Variants in SELENOO observed in about 807,000 individuals in gnomAD.
SELENOO encodes the protein selenoprotein O.
A neutral mutation model predicts 58.7 loss-of-function variants in SELENOO; 74 were observed. The observed-to-expected ratio is 1.26, with a 90% CI of 1.04 to 1.53. SELENOO has a LOEUF of 1.53. SELENOO is among the 40% of genes most tolerant of loss of function. The probability of loss-of-function intolerance (pLI) is 0.00; values close to 1 mark genes in which losing one functional copy is unlikely to be tolerated. For synonymous variants in SELENOO, 543 were observed against 453.2 expected (o/e 1.20, Z -2.52); for missense variants, 1,149 against 970.0 (o/e 1.18, Z -2.45).
At position 50,217,263 on chromosome 22, in the gene SELENOO, C is replaced by A. The variant is rs375071384; in HGVS notation, c.1904C>A (p.Thr635Lys). 1.9e-6 allele frequency: 3 copies of A among 1,611,962 alleles called. No individual in the cohort carries two copies. The highest frequency in any genetic ancestry group is 1.3e-5 in the African/African-American group (1 of 74,924). ...TACCACTGCGAGGCGGGGGCCGCCA[C>A]AGACGCCGAGGCCACGGAAGCCGAC... ...TPYHCEAGAATDAEATEADGA... is the reference protein window; with the variant it reads ...TPYHCEAGAAKDAEATEADGA... Residue 635 changes from threonine (T) to lysine (K), a missense_variant, in exon 9 of 9, where the codon ACA (threonine) becomes AAA (lysine). By Grantham distance (78) the Thr-to-Lys change is moderately conservative. Coordinates refer to ENST00000380903, the MANE Select transcript of SELENOO (RefSeq NM_031454.2).
intron 2 of SELENOO, among the ~76,000 whole-genome samples, chr22:50,207,562 G>A (rs1465309078): frequency 6.6e-6 from 1 of 150,584 alleles, no homozygotes; most frequent in Non-Finnish European, 1.5e-5. Context: ...GCTGCCTGTG[G>A]GCCTCTGGCT....
At chr22:50,210,062 C>T in intron 3 of SELENOO, 119 bp from the exon 4 acceptor site, 1 of 1,227,578 alleles carries the variant, frequency 8.1e-7, no homozygotes, top group Non-Finnish European at 1.1e-6. Flanking sequence ...CGCCCAGAAA[C>T]TGCAGAGTGA....
chr22:50,210,826 G>A lies in SELENOO; in HGVS notation c.1266G>A (p.Met422Ile). The A allele has an allele frequency of 1.9e-6, 3 of 1,614,106 alleles. No homozygotes were observed. Among genetic ancestry groups the A allele is most frequent in the Admixed American group, 1.7e-5 (1 of 60,032 alleles). The change falls in exon 5 of 9, where the codon ATG becomes ATA. Residue 422 changes from methionine to isoleucine, a missense_variant. Met to Ile is a conservative substitution (Grantham distance 10). Coordinates refer to ENST00000380903, the MANE Select transcript of SELENOO (RefSeq NM_031454.2). ...AEFQRHYLQK[M>I]RRKLGLVQVE... ...TCCAAAGGCACTACCTGCAGAAGAT[G>A]CGCAGGAAGCTGGGCCTCGTGCAGG...
At chr22:50,216,506 T>C (rs1314950187) in intron 6 of SELENOO, among the ~76,000 whole-genome samples, 185 bp from the exon 7 acceptor site, 8 of 152,224 alleles carry the variant, frequency 5.3e-5, no homozygotes, top group South Asian at 4.1e-4. Flanking sequence ...AGCATGGGCA[T>C]GCCTGGTGTG....
chr22:50,210,991 G>T, intron 5 of SELENOO, 80 bp downstream of exon 5: 1 of 1,503,842 alleles, frequency 6.6e-7, no homozygotes, highest in South Asian at 1.2e-5. Context: ...TGGCTTCCAG[G>T]TTCCAAGTGC....
intron 5 of SELENOO, among the ~76,000 whole-genome samples, chr22:50,215,074 C>G (rs1380905701): frequency 6.6e-6 from 1 of 152,194 alleles, no homozygotes; most frequent in African/African-American, 2.4e-5. Context: ...GTTGCTTTGA[C>G]TCCCTTCTCA....
chr22:50,215,635 T>TGGG, intron 5 of SELENOO, 82 bp from the exon 6 acceptor site: 7 of 892,000 alleles, frequency 7.8e-6, no homozygotes, highest in East Asian at 3.4e-5. Flanking sequence ...GCCAGGGGGG[T>TGGG]GGGGGGGGGG....
intron 5 of SELENOO, among the ~76,000 whole-genome samples, chr22:50,212,283 A>G (rs1301141205): frequency 6.6e-6 from 1 of 152,168 alleles, no homozygotes; most frequent in East Asian, 1.9e-4. Flanking sequence ...TTTGTTGGAA[A>G]AATTTTGATT....
chr22:50,214,680 G>A (rs1424277331), intron 5 of SELENOO, among the ~76,000 whole-genome samples: 1 of 152,034 alleles, frequency 6.6e-6, no homozygotes, highest in Non-Finnish European at 1.5e-5. Context: ...TAGGAGAATT[G>A]CTGGAACCCA....
intron 1 of SELENOO, 128 bp downstream of exon 1, chr22:50,201,718 G>A: frequency 1.5e-6 from 1 of 662,134 alleles, no homozygotes; most frequent in Non-Finnish European, 2.1e-6. Flanking sequence ...ACCCGCGGGA[G>A]CGCGGTGCTG....
At position 50,201,096 on chromosome 22, in the gene SELENOO, C is replaced by T; in HGVS notation, c.60C>T (p.Leu20=). The change falls in exon 1 of 9, where the codon CTC becomes CTT. Residue 20 remains leucine (L), a synonymous_variant. Transcript: ENST00000380903. ...ASLAAARLLP[L]GRCSPSPAPR... The stretch of plus-strand genomic sequence containing the variant: ...TCGCGGCTGCCCGACTCTTGCCCCT[C>T]GGTCGCTGTTCCCCGTCGCCGGCGC... The T allele has an allele frequency of 7.3e-7, 1 of 1,366,602 alleles. No homozygotes were observed. The highest frequency in any genetic ancestry group is 9.4e-7 in the Non-Finnish European group (1 of 1,059,776). The allele number at this position is 1,366,602 out of a possible 1,614,324, so 84.7% of individuals were successfully genotyped here.
Position 50,217,456 on chromosome 22 carries a change from C to A in SELENOO, c.*87C>A. 2 of 1,485,006 alleles carry A rather than the reference C, an allele frequency of 1.3e-6. No individual in the cohort carries two copies. The highest frequency in any genetic ancestry group is 9.1e-7 in the Non-Finnish European group (1 of 1,094,948). 92.0% of individuals were successfully genotyped at this position (1,485,006 alleles called of 1,614,324 possible). A position where few individuals can be genotyped will look rare whatever the true frequency, so the allele number is the denominator to read the frequency against. On this transcript the variant is annotated 3_prime_UTR_variant, in exon 9 of 9. Transcript: ENST00000380903. ...CAAGATGATGCCAGGCTGCCCTATA[C>A]ACTGGGGGATTCTGCCCTGGCCCAT...
chr22:50,205,430 C>G (rs894533123), intron 1 of SELENOO, among the ~76,000 whole-genome samples: 1 of 152,130 alleles, frequency 6.6e-6, no homozygotes, highest in Non-Finnish European at 1.5e-5. Flanking sequence ...AAAAGTAAGA[C>G]AAGAATTAGC....
intron 6 of SELENOO, among the ~76,000 whole-genome samples, chr22:50,216,459 G>C (rs2038049): frequency 0.41 from 62,262 of 152,164 alleles, 12,753 homozygotes; most frequent in African/African-American, 0.45. Flanking sequence ...GGGCAGCAGA[G>C]TGGTCCTGCC....
rs866137318 is a variant in SELENOO, at chr22:50,204,635, A to G, written c.555-1682A>G. On this transcript the variant is annotated intron_variant, in intron 1 of 8. Transcript: ENST00000380903. Reference sequence around the variant, plus strand: ...GACCCTGTCTCAAAAAAAAAAAAAAATCGTAAGTTAAAAAGTGTTGCGGCT... The same window carrying G: ...GACCCTGTCTCAAAAAAAAAAAAAAGTCGTAAGTTAAAAAGTGTTGCGGCT... Among the ~76,000 whole-genome samples, 358 of 142,660 alleles carry G rather than the reference A, an allele frequency of 2.5e-3. 2 individuals are homozygous for G. Among genetic ancestry groups the G allele is most frequent in the African/African-American group, 9.1e-3 (346 of 37,948 alleles). 93.6% of individuals were successfully genotyped at this position (142,660 alleles called of 152,430 possible).
At chr22:50,213,635 A>T (rs928915402) in intron 5 of SELENOO, among the ~76,000 whole-genome samples, 1 of 151,356 alleles carries the variant, frequency 6.6e-6, no homozygotes, top group African/African-American at 2.4e-5. Context: ...TTTCTCATTG[A>T]TCTTCTGTCT....
chr22:50,203,526 A>G (rs1361454944), intron 1 of SELENOO, among the ~76,000 whole-genome samples: 1 of 152,260 alleles, frequency 6.6e-6, no homozygotes, highest in Non-Finnish European at 1.5e-5. Context: ...AAGGATAGAC[A>G]TAGACCAGTG....
chr22:50,206,536 T>G lies in SELENOO; in HGVS notation c.758+16T>G. 6.2e-7 allele frequency: 1 copy of G among 1,603,160 alleles called. No individual in the cohort carries two copies. Among genetic ancestry groups the G allele is most frequent in the African/African-American group, 1.3e-5 (1 of 74,848 alleles). The stretch of plus-strand genomic sequence containing the variant: ...CTTTCATAAGGTAATGCCGGGGGCC[T>G]TTCGGCCTGTCTACACGCACTTGCT... On this transcript the variant is annotated intron_variant, in intron 2 of 8. Transcript: ENST00000380903.
chr22:50,202,666 T>C (rs1444409030), intron 1 of SELENOO, among the ~76,000 whole-genome samples: 2 of 152,238 alleles, frequency 1.3e-5, no homozygotes, highest in Non-Finnish European at 2.9e-5. Context: ...ATTTTTTTTA[T>C]GAGAGTAATC....
Sources: gnomAD v4.1 joint callset for allele counts (sites outside exome capture counted in the v4.1 genomes callset) on GRCh38, gnomAD v4.1.1 for gene constraint, MANE v1.5 for transcripts, NCBI Gene and HGNC (gene_info 2026-07-23, HGNC 2026-07-21) for gene names.